Variants in DGKB observed in about 807,000 individuals in gnomAD.
DGKB encodes the protein 90 kDa diacylglycerol kinase.
Under a neutral mutation model 114.3 loss-of-function variants are expected in DGKB, and 67 were observed. The ratio of observed to expected loss-of-function variants is 0.59; its 90% CI spans 0.48 to 0.72. The LOEUF is 0.72. Among genes scored for constraint, DGKB ranks in the 30% least tolerant of loss-of-function variants. DGKB has a pLI of 0.00. For synonymous variants in DGKB, 398 were observed against 323.1 expected (o/e 1.23, Z -2.49); for missense variants, 907 against 975.2 (o/e 0.93, Z 0.93).
chr7:14,779,017 G>A (rs779533529), intron 2 of DGKB, among the ~76,000 whole-genome samples: 6 of 152,168 alleles, frequency 3.9e-5, no homozygotes, highest in East Asian at 1.9e-4. Context: ...TTAGCTAGGC[G>A]TGGTGGCACA....
At chr7:14,258,684 A>G (rs1182726028) in intron 23 of DGKB, among the ~76,000 whole-genome samples, 1 of 152,248 alleles carries the variant, frequency 6.6e-6, no homozygotes, top group Non-Finnish European at 1.5e-5. Context: ...AATACGCATA[A>G]GCACAATCAA....
At chr7:14,251,918 C>T (rs1257609361) in intron 23 of DGKB, among the ~76,000 whole-genome samples, 1 of 152,152 alleles carries the variant, frequency 6.6e-6, no homozygotes, top group Non-Finnish European at 1.5e-5. Flanking sequence ...TCTCTTGTCA[C>T]TTTCACAATT....
chr7:14,952,044 T>C (rs1786228488), intron 1 of DGKB, among the ~76,000 whole-genome samples: 1 of 152,012 alleles, frequency 6.6e-6, no homozygotes, highest in African/African-American at 2.4e-5. Flanking sequence ...ATATTATAGG[T>C]GTAGATGAGG....
At position 14,211,316 on chromosome 7, in the gene DGKB, A is replaced by ATTT. The variant is rs758139386; in HGVS notation, c.2123-33166_2123-33165insAAA. Among the ~76,000 whole-genome samples the ATTT allele has an allele frequency of 7.1e-4, 75 of 106,098 alleles. 2 individuals carry two copies. Among genetic ancestry groups the ATTT allele is most frequent in the Admixed American group, 1.8e-3 (17 of 9,382 alleles). The allele number at this position is 106,098 out of a possible 152,430, so 69.6% of individuals were successfully genotyped here. A position where few individuals can be genotyped will look rare whatever the true frequency, so the allele number is the denominator to read the frequency against. On this transcript the variant is annotated intron_variant, in intron 23 of 25. Transcript: ENST00000402815. ...GTGATATTTACTCTCATGTTTTGTG[A>ATTT]TATTTACTCTCATGTTTTGTGATTT...
chr7:14,787,101 A>G (rs73276073), intron 2 of DGKB, among the ~76,000 whole-genome samples: 10,241 of 152,164 alleles, frequency 0.067, 1,048 homozygotes, highest in African/African-American at 0.23. Context: ...CTGTCACTCA[A>G]TAGAGCACCT....
At chr7:14,245,577 T>C (rs1293550131) in intron 23 of DGKB, among the ~76,000 whole-genome samples, 1 of 152,164 alleles carries the variant, frequency 6.6e-6, no homozygotes, top group Non-Finnish European at 1.5e-5. Context: ...CTTCAGGCTA[T>C]TTTAATTAAA....
intron 21 of DGKB, among the ~76,000 whole-genome samples, chr7:14,364,902 G>A (rs933585004): frequency 3.9e-5 from 6 of 151,912 alleles, no homozygotes; most frequent in Non-Finnish European, 8.8e-5. Context: ...CTAAGGAAAT[G>A]CACCAAAATT....
chr7:14,191,794 G>T, intron 23 of DGKB: 1 of 374,914 alleles, frequency 2.7e-6, no homozygotes, highest in South Asian at 2.3e-5. Context: ...TTCCTACTCA[G>T]GTGACTATTC....
chr7:14,636,772 A>G (rs1810831572), intron 13 of DGKB, among the ~76,000 whole-genome samples: 1 of 151,874 alleles, frequency 6.6e-6, no homozygotes, highest in Admixed American at 6.6e-5. Context: ...AAATCTGAAA[A>G]TATTTGTCCC....
chr7:14,852,729 T>A (rs1849580796), intron 1 of DGKB, among the ~76,000 whole-genome samples: 1 of 152,134 alleles, frequency 6.6e-6, no homozygotes, highest in African/African-American at 2.4e-5. Context: ...AAGAATGCAG[T>A]TGAATGGCTT....
intron 1 of DGKB, among the ~76,000 whole-genome samples, chr7:14,917,160 T>C (rs1784282017): frequency 6.6e-6 from 1 of 152,058 alleles, no homozygotes. Context: ...TTTGTAGCAC[T>C]GATTGATATA....
At chr7:14,934,992 CT>C (rs1785204027) in intron 1 of DGKB, among the ~76,000 whole-genome samples, 1 of 152,190 alleles carries the variant, frequency 6.6e-6, no homozygotes, top group South Asian at 2.1e-4. Flanking sequence ...ACATTATGTA[CT>C]AACATTGAGA....
At chr7:14,852,487 C>CAAAAAAAAAACAAACAAACAA (rs1554304256) in intron 1 of DGKB, among the ~76,000 whole-genome samples, 1 of 63,636 alleles carries the variant, frequency 1.6e-5, no homozygotes, top group African/African-American at 6.7e-5. Context: ...TAGTGAAAGT[C>CAAAAAAAAAACAAACAAACAA]AAAAAAAAAA....
intron 1 of DGKB, among the ~76,000 whole-genome samples, chr7:14,914,707 A>C (rs1193307110): frequency 6.6e-6 from 1 of 152,212 alleles, no homozygotes; most frequent in South Asian, 2.1e-4. Context: ...ATTATTAAAT[A>C]GGGAATTTAA....
intron 1 of DGKB, among the ~76,000 whole-genome samples, chr7:14,890,429 T>C (rs564521000): frequency 6.6e-6 from 1 of 151,546 alleles, no homozygotes; most frequent in South Asian, 2.1e-4. Flanking sequence ...TAACATGCCT[T>C]CGCTTATCTC....
intron 1 of DGKB, among the ~76,000 whole-genome samples, chr7:14,910,928 C>A (rs751289722): frequency 1.6e-4 from 24 of 151,878 alleles, no homozygotes; most frequent in Non-Finnish European, 3.1e-4. Flanking sequence ...ATTTAATAAC[C>A]TAATTAAACT....
At chr7:14,972,154 T>C (rs1787507645) in intron 1 of DGKB, among the ~76,000 whole-genome samples, 1 of 152,168 alleles carries the variant, frequency 6.6e-6, no homozygotes, top group Non-Finnish European at 1.5e-5. Flanking sequence ...CTGGAATGTC[T>C]ATTTTATTCA....
intron 1 of DGKB, among the ~76,000 whole-genome samples, chr7:14,859,883 TG>T (rs1325356098): frequency 6.6e-6 from 1 of 152,088 alleles, no homozygotes; most frequent in Non-Finnish European, 1.5e-5. Flanking sequence ...ATACACAACA[TG>T]GGCAGTTGAT....
At chr7:14,850,107 CAA>C (rs1008961835) in intron 1 of DGKB, among the ~76,000 whole-genome samples, 2 of 152,172 alleles carry the variant, frequency 1.3e-5, no homozygotes, top group Admixed American at 6.5e-5. Flanking sequence ...AGACACTTTT[CAA>C]AAGTTTCTGA....
Sources: allele counts gnomAD v4.1 joint callset (sites outside exome capture counted in the v4.1 genomes callset), GRCh38; gene constraint gnomAD v4.1.1; transcripts MANE v1.5; gene names NCBI Gene and HGNC (gene_info 2026-07-23, HGNC 2026-07-21).